Variants in YY1 observed in about 807,000 individuals in gnomAD.
YY1 encodes YY1 transcription factor, also known as transcriptional repressor protein YY1.
A neutral mutation model predicts 35.6 loss-of-function variants in YY1; 2 were observed. That is an observed-to-expected ratio of 0.06 (90% CI 0.02 to 0.18). The LOEUF is 0.18. Ranked by LOEUF, YY1 falls within the 10% of genes least tolerant of loss-of-function variation. The pLI is 1.00. For missense variants in YY1, 322 were observed against 573.4 expected (o/e 0.56, Z 4.48); for synonymous variants, 268 against 238.9 (o/e 1.12, Z -1.12).
intron 2 of YY1, among the ~76,000 whole-genome samples, chr14:100,271,050 C>G (rs911739121): frequency 1.6e-4 from 25 of 151,930 alleles, no homozygotes; most frequent in African/African-American, 6.1e-4. Context: ...TCGAGACCAT[C>G]CTGGCTAACA....
chr14:100,280,892 G>C lies in YY1; in HGVS notation c.*3292G>C. 1 of 151,964 alleles carries C rather than the reference G, an allele frequency of 6.6e-6. No individual in the cohort carries two copies. The highest frequency in any genetic ancestry group is 1.5e-5 in the Non-Finnish European group (1 of 68,012). The allele number at this position is 151,964 out of a possible 1,614,324, so 9.4% of individuals were successfully genotyped here. ...CCAGACTGGTCTCAGACCAGAGTTT[G>C]TGGCACAGGAAAACCTGGCCCCCTA... On this transcript the variant is annotated 3_prime_UTR_variant, in exon 5 of 5. Coordinates refer to ENST00000262238, the MANE Select transcript of YY1 (RefSeq NM_003403.5).
intron 1 of YY1, among the ~76,000 whole-genome samples, chr14:100,253,662 G>C (rs1890958218): frequency 6.6e-6 from 1 of 152,132 alleles, no homozygotes; most frequent in Admixed American, 6.6e-5. Flanking sequence ...AAAGTGCTGG[G>C]ATTATAGGCG....
intron 2 of YY1, among the ~76,000 whole-genome samples, chr14:100,267,271 C>G (rs888551613): frequency 1.3e-5 from 2 of 152,178 alleles, no homozygotes; most frequent in Admixed American, 1.3e-4. Flanking sequence ...TTTCTCCTTG[C>G]AGCTCCTATG....
chr14:100,240,609 G>C (rs1890722243), intron 1 of YY1, among the ~76,000 whole-genome samples: 2 of 152,192 alleles, frequency 1.3e-5, no homozygotes, highest in South Asian at 4.1e-4. Flanking sequence ...CGCCCAAGTC[G>C]TCGTTTGCTG....
intron 1 of YY1, among the ~76,000 whole-genome samples, chr14:100,245,140 G>T (rs979011370): frequency 2.0e-5 from 3 of 151,664 alleles, no homozygotes; most frequent in African/African-American, 7.3e-5. Context: ...GTTTCACCAT[G>T]TTAGCCAGGA....
At chr14:100,259,369 G>A (rs1274192520) in intron 1 of YY1, among the ~76,000 whole-genome samples, 4 of 152,042 alleles carry the variant, frequency 2.6e-5, no homozygotes, top group African/African-American at 7.2e-5. Flanking sequence ...AAATACAAAC[G>A]ATTAGCTGGG....
At chr14:100,251,816 A>G (rs1368690903) in intron 1 of YY1, among the ~76,000 whole-genome samples, 1 of 151,584 alleles carries the variant, frequency 6.6e-6, no homozygotes, top group Non-Finnish European at 1.5e-5. Flanking sequence ...TTGTAGAGGC[A>G]GGGTTTTCTC....
Position 100,282,578 on chromosome 14 carries a change from T to C in YY1, c.*4978T>C, listed in dbSNP as rs1279151595. 6.6e-6 allele frequency: 1 copy of C among 152,238 alleles called. No individual in the cohort carries two copies. The highest frequency in any genetic ancestry group is 1.5e-5 in the Non-Finnish European group (1 of 68,042). The allele number at this position is 152,238 out of a possible 1,614,324, so 9.4% of individuals were successfully genotyped here. A position where few individuals can be genotyped will look rare whatever the true frequency, so the allele number is the denominator to read the frequency against. The stretch of plus-strand genomic sequence containing the variant: ...GACTTAGCATTTCGTCTCATGTACA[T>C]CTTTTTCTTAAGTGTTCTTTGCCAT... On this transcript the variant is annotated 3_prime_UTR_variant, in exon 5 of 5. Coordinates refer to ENST00000262238, the MANE Select transcript of YY1 (RefSeq NM_003403.5).
At position 100,281,054 on chromosome 14, in the gene YY1, C is replaced by T. The variant is rs563581953; in HGVS notation, c.*3454C>T. ...CAGCCTGGGTGACAGAGCAAGACTC[C>T]GTCTCCCAAAAAAAAAAAAAAAAAA... On this transcript the variant is annotated 3_prime_UTR_variant, in exon 5 of 5. Transcript: ENST00000262238. The T allele has an allele frequency of 5.4e-5, 5 of 92,244 alleles. No individual in the cohort carries two copies. The highest frequency in any genetic ancestry group is 4.0e-5 in the Non-Finnish European group (2 of 49,760). 5.7% of individuals were successfully genotyped at this position (92,244 alleles called of 1,614,324 possible).
intron 2 of YY1, among the ~76,000 whole-genome samples, chr14:100,263,351 T>C (rs1486297003): frequency 1.3e-5 from 2 of 152,242 alleles, no homozygotes; most frequent in Non-Finnish European, 1.5e-5. Context: ...GCTCCTGGTA[T>C]GTTAATTTAA....
At chr14:100,253,977 C>T (rs1890962864) in intron 1 of YY1, among the ~76,000 whole-genome samples, 1 of 152,070 alleles carries the variant, frequency 6.6e-6, no homozygotes, top group African/African-American at 2.4e-5. Context: ...TTACAGGTGC[C>T]CGCTACCACA....
At chr14:100,273,123 C>T (rs2139601093) in intron 2 of YY1, among the ~76,000 whole-genome samples, 1 of 152,138 alleles carries the variant, frequency 6.6e-6, no homozygotes, top group South Asian at 2.1e-4. Context: ...TGCCACCACA[C>T]CCGGCTAATT....
rs139817138 is a variant in YY1 at position 100,277,079 on chromosome 14, C to CTA, written c.1063-338_1063-337dup. 9.7e-4 allele frequency: 440 copies of CTA among 451,846 alleles called. 1 individual carries two copies. Among genetic ancestry groups the CTA allele is most frequent in the African/African-American group, 7.9e-3 (403 of 51,026 alleles). 28.0% of individuals were successfully genotyped at this position (451,846 alleles called of 1,614,324 possible). ...AGAACTAGCAGTGCAGCTAGTAAAT[C>CTA]TAACGTGGTTCTTTTTTGACAACTG... On this transcript the variant is annotated intron_variant, in intron 4 of 4. Coordinates refer to ENST00000262238, the MANE Select transcript of YY1 (RefSeq NM_003403.5). This position sits in a 1 kb window ranked among gnomAD's most constrained non-coding sequence, Gnocchi z 5.6.
At chr14:100,262,192 A>G in intron 1 of YY1, 112 bp from the exon 2 acceptor site, 1 of 1,191,756 alleles carries the variant, frequency 8.4e-7, no homozygotes, top group Admixed American at 2.2e-5. Context: ...GGGAGAACAA[A>G]TTGAGCTGGT....
rs576609164 is a variant in YY1, at chr14:100,259,519, C to CA, written c.680-2773dup. ...TGGGTGACAGAGCGAGACTCCGTCT[C>CA]AAAAAAAAAAAAGAGGCAAGACCAA... On this transcript the variant is annotated intron_variant, in intron 1 of 4. Transcript: ENST00000262238. Among the ~76,000 whole-genome samples the CA allele has an allele frequency of 6.4e-3, 807 of 125,524 alleles. 9 individuals are homozygous for CA. Among genetic ancestry groups the CA allele is most frequent in the African/African-American group, 0.018 (615 of 33,822 alleles). 82.3% of individuals were successfully genotyped at this position (125,524 alleles called of 152,430 possible). A position where few individuals can be genotyped will look rare whatever the true frequency, so the allele number is the denominator to read the frequency against.
At position 100,277,281 on chromosome 14, in the gene YY1, A is replaced by G; in HGVS notation, c.1063-137A>G. The G allele has an allele frequency of 1.8e-6, 2 of 1,124,782 alleles. No individual in the cohort carries two copies. The highest frequency in any genetic ancestry group is 1.3e-6 in the Non-Finnish European group (1 of 763,506). 69.7% of individuals were successfully genotyped at this position (1,124,782 alleles called of 1,614,324 possible). A position where few individuals can be genotyped will look rare whatever the true frequency, so the allele number is the denominator to read the frequency against. On this transcript the variant is annotated intron_variant, in intron 4 of 4. Coordinates refer to ENST00000262238, the MANE Select transcript of YY1 (RefSeq NM_003403.5). This position sits in a 1 kb window ranked among gnomAD's most constrained non-coding sequence, Gnocchi z 5.6. The stretch of plus-strand genomic sequence containing the variant: ...TGCCTGCTGATTCTAGACTATATCC[A>G]CAAAGTTCACCCAGGGCAGGAATGA...
At chr14:100,259,093 A>G (rs967651399) in intron 1 of YY1, among the ~76,000 whole-genome samples, 4 of 152,202 alleles carry the variant, frequency 2.6e-5, no homozygotes, top group Non-Finnish European at 4.4e-5. Context: ...GAAATATTTT[A>G]TTTTACTACT....
At position 100,239,823 on chromosome 14, in the gene YY1, G is replaced by GGGC. The variant is rs1306986688; in HGVS notation, c.590_592dup (p.Gly197dup). The stretch of plus-strand genomic sequence containing the variant: ...ACCTCAGCGGCGGGGCCGGCGCGGC[G>GGGC]GGCGGCGGCGGCGCCGACCCGGGCA... On this transcript the variant is annotated inframe_insertion, in exon 1 of 5. Transcript: ENST00000262238. The GGGC allele has an allele frequency of 6.8e-6, 10 of 1,475,536 alleles. No homozygotes were observed. The highest frequency in any genetic ancestry group is 8.9e-6 in the Non-Finnish European group (10 of 1,121,434). The allele number at this position is 1,475,536 out of a possible 1,614,324, so 91.4% of individuals were successfully genotyped here.
intron 1 of YY1, among the ~76,000 whole-genome samples, chr14:100,252,692 C>T (rs1890941301): frequency 6.6e-6 from 1 of 152,180 alleles, no homozygotes; most frequent in African/African-American, 2.4e-5. Context: ...TGGCCTTGCC[C>T]ACTTGTGTTC....
Sources: allele counts gnomAD v4.1 joint callset (sites outside exome capture counted in the v4.1 genomes callset), GRCh38; gene constraint gnomAD v4.1.1; non-coding constraint Gnocchi (gnomAD v3.1); transcripts MANE v1.5; gene names NCBI Gene and HGNC (gene_info 2026-07-23, HGNC 2026-07-21).